Variants in FCHO1 observed in about 807,000 individuals in gnomAD.
The protein encoded by FCHO1 is FCH and mu domain containing endocytic adaptor 1.
A neutral mutation model predicts 114.4 loss-of-function variants in FCHO1; 45 were observed. The ratio of observed to expected loss-of-function variants is 0.39; its 90% CI spans 0.31 to 0.50. The LOEUF is 0.50. Ranked by LOEUF, FCHO1 falls within the 20% of genes least tolerant of loss-of-function variation. FCHO1 has a pLI of 0.77. For missense variants in FCHO1, 1,042 were observed against 1,209.6 expected (o/e 0.86, Z 2.06); for synonymous variants, 480 against 488.9 (o/e 0.98, Z 0.24).
chr19:17,757,567 T>C (rs2084110311), intron 4 of FCHO1, among the ~76,000 whole-genome samples: 1 of 152,192 alleles, frequency 6.6e-6, no homozygotes, highest in Admixed American at 6.5e-5. Flanking sequence ...AGTGACCCTG[T>C]ACGTATAAGG....
chr19:17,757,182 TAA>T (rs768156240), intron 4 of FCHO1, among the ~76,000 whole-genome samples: 2,062 of 83,278 alleles, frequency 0.025, 49 homozygotes, highest in African/African-American at 0.083. Context: ...AGACTCCGTC[TAA>T]AAAAAAAAAA....
rs115306485 is a variant in FCHO1 at position 17,776,235 on chromosome 19, C to T, written c.1183-12C>T. 2,240 of 1,614,082 alleles carry T rather than the reference C, an allele frequency of 1.4e-3. 31 individuals are homozygous for T. In the African/African-American group the frequency reaches 0.027, roughly 20 times the overall value. On this transcript the variant is annotated splice_polypyrimidine_tract_variant and intron_variant, in intron 16 of 28. Transcript: ENST00000596536. The surrounding 1 kb of genome is among the most constrained non-coding windows in gnomAD (Gnocchi z 4.4). ...ATGCATTCGTGTGTGATGTTGCCCACTTTGTCCACAGGGCACCATGAAACG... is the reference window on the plus strand; with the variant it reads ...ATGCATTCGTGTGTGATGTTGCCCATTTTGTCCACAGGGCACCATGAAACG...
intron 7 of FCHO1, among the ~76,000 whole-genome samples, chr19:17,770,209 G>A (rs1266377636): frequency 1.3e-5 from 2 of 152,180 alleles, no homozygotes; most frequent in Admixed American, 6.6e-5. Flanking sequence ...GCTGAGGCAG[G>A]AGAATTGCTT....
chr19:17,779,882 G>A (rs570475636), intron 20 of FCHO1, among the ~76,000 whole-genome samples: 3 of 152,090 alleles, frequency 2.0e-5, no homozygotes, highest in South Asian at 2.1e-4. Context: ...AGGAGCAGCC[G>A]CCCAGGGAGA....
chr19:17,778,292 C>T, intron 19 of FCHO1, 64 bp downstream of exon 19: 2 of 1,344,488 alleles, frequency 1.5e-6, no homozygotes, highest in Non-Finnish European at 2.1e-6. Context: ...GGGGCCATTG[C>T]AGAGTTAGGC....
At chr19:17,761,369 G>T (rs985018570) in intron 4 of FCHO1, among the ~76,000 whole-genome samples, 1 of 147,500 alleles carries the variant, frequency 6.8e-6, no homozygotes, top group East Asian at 2.0e-4. Flanking sequence ...GGCTTTCAGG[G>T]TTGGTTTGAT....
rs371659994 is a variant in FCHO1 at position 17,755,274 on chromosome 19, G to A, written c.27+83G>A. On this transcript the variant is annotated intron_variant, in intron 4 of 28. Coordinates refer to ENST00000596536, the MANE Select transcript of FCHO1 (RefSeq NM_015122.3). ...GAGATGGGAGGACTGGGTGAGTTGC[G>A]GTTACAGCCTTGGACAGGTAGAGGA... The A allele has an allele frequency of 7.1e-5, 89 of 1,259,648 alleles. No individual in the cohort carries two copies. In the African/African-American group the frequency reaches 7.8e-4, roughly 11 times the overall value. 78.0% of individuals were successfully genotyped at this position (1,259,648 alleles called of 1,614,324 possible). A position where few individuals can be genotyped will look rare whatever the true frequency, so the allele number is the denominator to read the frequency against.
At chr19:17,786,666 G>GGGGGGGGGGCC in intron 27 of FCHO1, 37 bp downstream of exon 27, 1 of 496,998 alleles carries the variant, frequency 2.0e-6, no homozygotes, top group Non-Finnish European at 4.1e-6. Context: ...GGGTGGGAGG[G>GGGGGGGGGGCC]ACTGGGGTCA....
At chr19:17,783,974 C>A in intron 24 of FCHO1, 129 bp from the exon 25 acceptor site, 2 of 1,179,132 alleles carry the variant, frequency 1.7e-6, no homozygotes, top group Non-Finnish European at 2.4e-6. Flanking sequence ...ACCACAACCA[C>A]CCAGGTAGGG....
chr19:17,770,620 C>T (rs556530863), intron 8 of FCHO1, 43 bp downstream of exon 8: 20 of 1,591,896 alleles, frequency 1.3e-5, no homozygotes, highest in South Asian at 3.4e-5. Flanking sequence ...TGCCGCGGGG[C>T]GGAGGGGCTG....
At position 17,784,005 on chromosome 19, in the gene FCHO1, G is replaced by A. The variant is rs2093656332; in HGVS notation, c.2094-98G>A. On this transcript the variant is annotated intron_variant, in intron 24 of 28. Coordinates refer to ENST00000596536, the MANE Select transcript of FCHO1 (RefSeq NM_015122.3). This position sits in a 1 kb window ranked among gnomAD's most constrained non-coding sequence, Gnocchi z 5.3. ...TAGGGCTTTGCTGGGCCCAGGGTGG[G>A]CCAGGAAATTGCATCTTTAGGAAGG... is the stretch of plus-strand genomic sequence containing the variant. The A allele has an allele frequency of 6.9e-7, 1 of 1,456,708 alleles. No individual in the cohort carries two copies. Among genetic ancestry groups the A allele is most frequent in the South Asian group, 1.3e-5 (1 of 76,132 alleles). 90.2% of individuals were successfully genotyped at this position (1,456,708 alleles called of 1,614,324 possible).
In FCHO1 at chr19:17,770,781, G is replaced by C. The variant is rs2091280415; in HGVS notation, c.490-11G>C. On this transcript the variant is annotated splice_polypyrimidine_tract_variant and intron_variant, in intron 8 of 28. Coordinates refer to ENST00000596536, the MANE Select transcript of FCHO1 (RefSeq NM_015122.3). ...GCCCTCCCATCCCCGTTTCCTCCCT[G>C]TGCTTTGTAGGCGGAGACTAAAACC... 1 of 1,613,964 alleles carries C rather than the reference G, an allele frequency of 6.2e-7. No homozygotes were observed. The highest frequency in any genetic ancestry group is 8.5e-7 in the Non-Finnish European group (1 of 1,179,984).
chr19:17,772,546 G>T lies in FCHO1; in HGVS notation c.684G>T (p.Gln228His), dbSNP rs768844335. 3 of 1,614,052 alleles carry T rather than the reference G, an allele frequency of 1.9e-6. No individual in the cohort carries two copies. Among genetic ancestry groups the T allele is most frequent in the Non-Finnish European group, 2.5e-6 (3 of 1,180,012 alleles). The change falls in exon 10 of 29, where the codon CAG (glutamine) becomes CAT (histidine). Residue 228 changes from glutamine (Q) to histidine (H), a missense_variant. Transcript: ENST00000596536. ...ACTCGGTGGAGGACACGCACGTGCA[G>T]ATTGGGCAGGTGAGTTGGGCAGGTG... ...YAHSVEDTHVQIGQVHEEFKQ... is the reference protein window; with the variant it reads ...YAHSVEDTHVHIGQVHEEFKQ...
At chr19:17,760,744 G>A (rs1901235384) in intron 4 of FCHO1, among the ~76,000 whole-genome samples, 1 of 152,040 alleles carries the variant, frequency 6.6e-6, no homozygotes, top group Admixed American at 6.6e-5. Flanking sequence ...CCGCCTCCCG[G>A]GTTCAAGTGA....
rs1189697737 is a variant in FCHO1 at position 17,766,735 on chromosome 19, A to C, written c.261A>C (p.Glu87Asp). ...SSDKLALCHL[E>D]LTRKLQDLIK... ...ACAAGCTGGCGCTGTGCCACCTGGA[A>C]CTGACACGGAAGTTACAGGATCTCA... The change falls in exon 7 of 29, where the codon GAA (glutamate) becomes GAC (aspartate). Residue 87 changes from glutamate (E) to aspartate (D), a missense_variant. This residue lies in a region of FCHO1 where 450 missense variants were observed against 564.1 expected (regional missense o/e 0.80). Coordinates refer to ENST00000596536, the MANE Select transcript of FCHO1 (RefSeq NM_015122.3). 6.2e-7 allele frequency: 1 copy of C among 1,614,132 alleles called. No homozygotes were observed. The highest frequency in any genetic ancestry group is 1.7e-5 in the Admixed American group (1 of 60,012).
intron 4 of FCHO1, among the ~76,000 whole-genome samples, chr19:17,756,101 C>G (rs1055908323): frequency 1.3e-5 from 2 of 152,200 alleles, no homozygotes; most frequent in Admixed American, 6.5e-5. Flanking sequence ...AAGCCTGTTG[C>G]TAGGCGACTG....
chr19:17,769,051 A>C (rs1856616940), intron 7 of FCHO1, among the ~76,000 whole-genome samples: 2 of 151,618 alleles, frequency 1.3e-5, no homozygotes, highest in Non-Finnish European at 2.9e-5. Flanking sequence ...TGAGGCGGGC[A>C]GATCACCTGA....
At chr19:17,785,047 C>T in intron 26 of FCHO1, 123 bp downstream of exon 26, 1 of 918,570 alleles carries the variant, frequency 1.1e-6, no homozygotes, top group Non-Finnish European at 1.7e-6. Context: ...GCCCACCCTG[C>T]TTAGCACTAA....
intron 7 of FCHO1, among the ~76,000 whole-genome samples, chr19:17,767,274 G>A (rs559660599): frequency 2.6e-5 from 4 of 151,736 alleles, no homozygotes; most frequent in African/African-American, 4.8e-5. Context: ...TGGGCCTGGC[G>A]TAGTGACTCA....
Sources: gnomAD v4.1 joint callset for allele counts (sites outside exome capture counted in the v4.1 genomes callset) on GRCh38, gnomAD v4.1.1 for gene constraint, gnomAD v4.1.1 regional missense constraint, Gnocchi (gnomAD v3.1) non-coding constraint, MANE v1.5 for transcripts, NCBI Gene and HGNC (gene_info 2026-07-23, HGNC 2026-07-21) for gene names.